GRAMD1B: variants seen among roughly 807,000 people sequenced by gnomAD.
GRAMD1B encodes GRAM domain containing 1B.
Under a neutral mutation model 99.7 loss-of-function variants are expected in GRAMD1B, and 37 were observed. That is an observed-to-expected ratio of 0.37 (90% CI 0.29 to 0.49). GRAMD1B has a LOEUF of 0.49. Among genes scored for constraint, GRAMD1B ranks in the 20% least tolerant of loss-of-function variants. GRAMD1B has a pLI of 0.98. For synonymous variants in GRAMD1B, 427 were observed against 387.6 expected (o/e 1.10, Z -1.19); for missense variants, 888 against 1,009.2 (o/e 0.88, Z 1.63).
At chr11:123,607,175 T>C (rs891017298) in intron 11 of GRAMD1B, among the ~76,000 whole-genome samples, 3 of 152,202 alleles carry the variant, frequency 2.0e-5, no homozygotes, top group Non-Finnish European at 4.4e-5. Flanking sequence ...TCAAGATAGC[T>C]GCGAAACTTG....
At chr11:123,487,389 A>G (rs556004645) in intron 2 of GRAMD1B, among the ~76,000 whole-genome samples, 2 of 152,312 alleles carry the variant, frequency 1.3e-5, no homozygotes, top group East Asian at 3.9e-4. Context: ...CAAGATGTAC[A>G]TAAGCATGGA....
rs187593431 is a variant in GRAMD1B, at chr11:123,449,022, C to T, written c.374+17856C>T. Among the ~76,000 whole-genome samples the T allele has an allele frequency of 4.6e-5, 7 of 152,340 alleles. No homozygotes were observed. In the East Asian group the frequency reaches 1.4e-3, roughly 29 times the overall value. ...ACCTTTTAGTTCCATGAATGGGATGCTCTCTTATTTCCAGGTTTCATCAAC... is the reference window on the plus strand; with the variant it reads ...ACCTTTTAGTTCCATGAATGGGATGTTCTCTTATTTCCAGGTTTCATCAAC... On this transcript the variant is annotated intron_variant, in intron 1 of 19. Transcript: ENST00000635736.
intron 1 of GRAMD1B, among the ~76,000 whole-genome samples, chr11:123,382,506 T>A (rs1266521577): frequency 1.3e-5 from 2 of 152,288 alleles, no homozygotes; most frequent in Admixed American, 6.5e-5. Context: ...AACTCTCTTA[T>A]ATTGTGAAAA....
At chr11:123,387,765 G>A (rs1465076001) in intron 1 of GRAMD1B, among the ~76,000 whole-genome samples, 2 of 134,350 alleles carry the variant, frequency 1.5e-5, no homozygotes, top group Admixed American at 1.8e-4. Context: ...GCCTAGGAAT[G>A]TGCAACCCTT....
intron 2 of GRAMD1B, among the ~76,000 whole-genome samples, chr11:123,498,814 G>A (rs2135135035): frequency 6.6e-6 from 1 of 152,258 alleles, no homozygotes; most frequent in Non-Finnish European, 1.5e-5. Flanking sequence ...TGAGTGCTAT[G>A]GACTGGGAAA....
rs368683251 is a variant in GRAMD1B, at chr11:123,368,611, C to T, written c.-176+9812C>T. Among the ~76,000 whole-genome samples, 169 of 125,914 alleles carry T rather than the reference C, an allele frequency of 1.3e-3. 2 individuals carry two copies. In the South Asian group the frequency reaches 0.024, roughly 18 times the overall value. 82.6% of individuals were successfully genotyped at this position (125,914 alleles called of 152,430 possible). ...ACGAGAATCGTTTGAACCAAGGAGG[C>T]GGAACTTGCAGTGAGCTGAGATCGC... On this transcript the variant is annotated intron_variant, in intron 1 of 20. Transcript: ENST00000638157.
chr11:123,431,865 G>T (rs1303713955), intron 1 of GRAMD1B, among the ~76,000 whole-genome samples: 2 of 151,508 alleles, frequency 1.3e-5, no homozygotes, highest in Non-Finnish European at 2.9e-5. Flanking sequence ...GAGAATTGCT[G>T]CAGGGCGCCC....
At chr11:123,441,167 G>GAA (rs1169779333) in intron 1 of GRAMD1B, among the ~76,000 whole-genome samples, 1 of 152,190 alleles carries the variant, frequency 6.6e-6, no homozygotes, top group Admixed American at 6.5e-5. Context: ...CACATGGTGA[G>GAA]AAGTTGCAAG....
At chr11:123,580,843 C>G (rs1186285853) in intron 3 of GRAMD1B, among the ~76,000 whole-genome samples, 2 of 152,118 alleles carry the variant, frequency 1.3e-5, no homozygotes, top group Non-Finnish European at 2.9e-5. Context: ...CTGCACACCT[C>G]CCCACCGCGG....
chr11:123,419,636 C>T (rs993424363), intron 1 of GRAMD1B, among the ~76,000 whole-genome samples: 1 of 150,440 alleles, frequency 6.6e-6, no homozygotes, highest in African/African-American at 2.4e-5. Context: ...CTTAAAACAA[C>T]AACAACAAAA....
intron 3 of GRAMD1B, 45 bp downstream of exon 3, chr11:123,577,622 C>A: frequency 7.0e-7 from 1 of 1,426,092 alleles, no homozygotes; most frequent in Non-Finnish European, 9.7e-7. Context: ...TCAGGGGCTG[C>A]GGGGAGCGAT....
At chr11:123,528,258 C>T (rs534863551) in intron 2 of GRAMD1B, among the ~76,000 whole-genome samples, 13 of 152,246 alleles carry the variant, frequency 8.5e-5, no homozygotes, top group Admixed American at 7.8e-4. Context: ...TTGATAGAAG[C>T]AAGATGACCA....
intron 2 of GRAMD1B, among the ~76,000 whole-genome samples, chr11:123,528,948 G>A (rs549571727): frequency 2.5e-4 from 38 of 152,272 alleles, no homozygotes; most frequent in African/African-American, 8.4e-4. Context: ...TAACTACCAC[G>A]CAACAGCATG....
chr11:123,415,091 C>CTTTTTTTT (rs1948184246), intron 1 of GRAMD1B, among the ~76,000 whole-genome samples: 1 of 96,560 alleles, frequency 1.0e-5, no homozygotes, highest in Non-Finnish European at 2.2e-5. Flanking sequence ...TTTTCTTTTT[C>CTTTTTTTT]TTTCTTTTTT....
At chr11:123,526,080 G>A (rs1942698020) in intron 2 of GRAMD1B, 1 of 1,358,118 alleles carries the variant, frequency 7.4e-7, no homozygotes, top group Non-Finnish European at 1.1e-6. Flanking sequence ...TTTCCAATAT[G>A]TCCTGGGACC....
rs1340546007 is a variant in GRAMD1B, at chr11:123,455,948, T to A, written c.374+24782T>A. ...ACTTTGGGAGGCCAAGGTGGGCGGA[T>A]CATTTGAGGTCAGGAGTTCGAGACC... is the stretch of plus-strand genomic sequence containing the variant. On this transcript the variant is annotated intron_variant, in intron 1 of 19. Transcript: ENST00000635736. Among the ~76,000 whole-genome samples the A allele has an allele frequency of 2.0e-5, 3 of 152,072 alleles. No homozygotes were observed. The South Asian group carries it at 6.2e-4, about 32-fold the overall frequency.
At chr11:123,538,891 AGTGCCGGGATTACAG>A (rs1944229340) in intron 2 of GRAMD1B, among the ~76,000 whole-genome samples, 1 of 152,118 alleles carries the variant, frequency 6.6e-6, no homozygotes, top group Non-Finnish European at 1.5e-5. Flanking sequence ...AGCCTCCTAA[AGTGCCGGGATTACAG>A]GTGTGAGCCA....
At chr11:123,442,859 C>A (rs554482348) in intron 1 of GRAMD1B, among the ~76,000 whole-genome samples, 6 of 53,274 alleles carry the variant, frequency 1.1e-4, no homozygotes, top group African/African-American at 1.5e-4. Flanking sequence ...TTATTTATGC[C>A]CCCCCCCACC....
At position 123,600,481 on chromosome 11, in the gene GRAMD1B, C is replaced by T. The variant is rs1233169320; in HGVS notation, c.983C>T (p.Ser328Leu). 1 of 1,607,718 alleles carries T rather than the reference C, an allele frequency of 6.2e-7. No individual in the cohort carries two copies. The highest frequency in any genetic ancestry group is 8.5e-7 in the Non-Finnish European group (1 of 1,175,038). ...TTTCCAATCTAGCACTTCTTCACTT[C>T]GTTTGGGGCCCGGGATAGGACATAT... is the stretch of plus-strand genomic sequence containing the variant. Reference protein sequence around the residue: ...CTDSEKHFFTSFGARDRTYMM... With the variant: ...CTDSEKHFFTLFGARDRTYMM... Residue 328 changes from serine (S) to leucine (L), a missense_variant, in exon 8 of 20, where the codon TCG (serine) becomes TTG (leucine). Physicochemically the swap from Ser to Leu is moderately radical, Grantham distance 145. Around this residue, in one of 5 missense-constraint regions of GRAMD1B, gnomAD observed 269 missense variants for 296.6 expected, o/e 0.91. Transcript: ENST00000635736.
Sources: allele counts gnomAD v4.1 joint callset (sites outside exome capture counted in the v4.1 genomes callset), GRCh38; gene constraint gnomAD v4.1.1; regional missense constraint gnomAD v4.1.1; transcripts MANE v1.5; gene names NCBI Gene and HGNC (gene_info 2026-07-23, HGNC 2026-07-21).